SGCZ: variants seen among roughly 807,000 people sequenced by gnomAD.
SGCZ encodes zeta-sarcoglycan.
SGCZ carries 40 observed loss-of-function variants against 41.3 expected under a neutral mutation model. That is an observed-to-expected ratio of 0.97 (90% CI 0.75 to 1.26). The LOEUF is 1.26. Ranked by LOEUF, SGCZ falls within the 50% of genes most tolerant of loss-of-function variation. The pLI is 0.00. For missense variants in SGCZ, 552 were observed against 369.8 expected (o/e 1.49, Z -4.04); for synonymous variants, 206 against 137.5 (o/e 1.50, Z -3.49).
At chr8:14,833,043 G>T (rs1220236826) in intron 1 of SGCZ, among the ~76,000 whole-genome samples, 1 of 151,626 alleles carries the variant, frequency 6.6e-6, no homozygotes, top group Non-Finnish European at 1.5e-5. Flanking sequence ...GTTTTTCTCA[G>T]TTGATTTTTT....
intron 1 of SGCZ, among the ~76,000 whole-genome samples, chr8:14,624,205 TATC>T (rs1806374425): frequency 6.6e-6 from 1 of 152,166 alleles, no homozygotes; most frequent in South Asian, 2.1e-4. Context: ...ATTAATAGCT[TATC>T]ATATAAGATT....
At chr8:14,614,965 T>C (rs1806049566) in intron 1 of SGCZ, among the ~76,000 whole-genome samples, 1 of 149,948 alleles carries the variant, frequency 6.7e-6, no homozygotes, top group African/African-American at 2.4e-5. Flanking sequence ...TCATTTTATA[T>C]ATACACATGT....
intron 1 of SGCZ, among the ~76,000 whole-genome samples, chr8:15,053,500 T>C (rs1804594350): frequency 6.6e-6 from 1 of 152,158 alleles, no homozygotes; most frequent in African/African-American, 2.4e-5. Context: ...ATGTGAATGG[T>C]AGCTGGCTGC....
rs560615845 is a variant in SGCZ at position 14,198,362 on chromosome 8, G to A, written c.425-33660C>T. ...CCAAAGCACAAGATTAGCAAAGCTG[G>A]CAGTTTGGTTCTGCCAAAGAGAGGT... is the stretch of plus-strand genomic sequence containing the variant. On this transcript the variant is annotated intron_variant, in intron 4 of 7. Transcript: ENST00000382080. Among the ~76,000 whole-genome samples, 39 of 152,240 alleles carry A rather than the reference G, an allele frequency of 2.6e-4. No homozygotes were observed. In the South Asian group the frequency reaches 8.1e-3, roughly 32 times the overall value.
At chr8:15,055,505 C>G (rs994362730) in intron 1 of SGCZ, among the ~76,000 whole-genome samples, 1 of 152,086 alleles carries the variant, frequency 6.6e-6, no homozygotes, top group African/African-American at 2.4e-5. Context: ...AAATTAGGCC[C>G]AAGAATGTGG....
intron 2 of SGCZ, among the ~76,000 whole-genome samples, chr8:14,394,134 G>GCCGC (rs1554511263): frequency 7.8e-6 from 1 of 128,782 alleles, no homozygotes; most frequent in African/African-American, 3.3e-5. Flanking sequence ...CTGCCCTACC[G>GCCGC]CCCCCCACCT....
At chr8:15,215,770 C>T (rs995632042) in intron 1 of SGCZ, among the ~76,000 whole-genome samples, 3 of 152,126 alleles carry the variant, frequency 2.0e-5, no homozygotes, top group Non-Finnish European at 4.4e-5. Flanking sequence ...CTAAGAGTTA[C>T]AATTAAAGTC....
At position 14,088,866 on chromosome 8, in the gene SGCZ, T is replaced by G. The variant is rs996886190; in HGVS notation, c.*1577A>C. On this transcript the variant is annotated 3_prime_UTR_variant, in exon 8 of 8. Transcript: ENST00000382080. ...AACAAGTTCTAATCTCCCAGTTCAC[T>G]CTGAGCTGTAGACACCTGAACTCCA... 1.3e-5 allele frequency among the ~76,000 whole-genome samples: 2 copies of G among 151,944 alleles called. No individual in the cohort carries two copies. Among genetic ancestry groups the G allele is most frequent in the African/African-American group, 4.8e-5 (2 of 41,418 alleles).
chr8:15,199,860 G>A (rs183233465), intron 1 of SGCZ, among the ~76,000 whole-genome samples: 2 of 152,116 alleles, frequency 1.3e-5, no homozygotes, highest in African/African-American at 4.8e-5. Context: ...GGGCAGAATA[G>A]GACAAGCATT....
At chr8:14,803,560 C>A (rs1041177568) in intron 1 of SGCZ, among the ~76,000 whole-genome samples, 2 of 152,182 alleles carry the variant, frequency 1.3e-5, no homozygotes, top group African/African-American at 4.8e-5. Flanking sequence ...ATATCCCGCA[C>A]CCGGCTCAGA....
At chr8:14,971,139 T>C (rs1384177116) in intron 1 of SGCZ, among the ~76,000 whole-genome samples, 1 of 152,204 alleles carries the variant, frequency 6.6e-6, no homozygotes, top group Non-Finnish European at 1.5e-5. Flanking sequence ...CTTGCTATTA[T>C]TGGTTCTAGT....
chr8:14,653,409 G>A (rs1392323452), intron 1 of SGCZ, among the ~76,000 whole-genome samples: 1 of 152,022 alleles, frequency 6.6e-6, no homozygotes, highest in Non-Finnish European at 1.5e-5. Context: ...ATCCTATATA[G>A]TGCTTAGCCC....
intron 4 of SGCZ, among the ~76,000 whole-genome samples, chr8:14,236,457 A>G (rs1307575613): frequency 6.6e-6 from 1 of 152,136 alleles, no homozygotes; most frequent in African/African-American, 2.4e-5. Flanking sequence ...ATTTAAAAAA[A>G]ACCTACAAAT....
chr8:14,289,245 C>T (rs1800756331), intron 3 of SGCZ, among the ~76,000 whole-genome samples: 1 of 149,682 alleles, frequency 6.7e-6, no homozygotes. Context: ...TTGATACTGT[C>T]CTTTAATGAG....
intron 5 of SGCZ, among the ~76,000 whole-genome samples, chr8:14,142,657 G>C (rs1444850239): frequency 1.3e-5 from 2 of 152,114 alleles, no homozygotes; most frequent in Admixed American, 6.5e-5. Context: ...GTTGGACTCT[G>C]TGTTCCCACC....
chr8:14,443,646 A>C (rs960296254), intron 2 of SGCZ, among the ~76,000 whole-genome samples: 5 of 152,324 alleles, frequency 3.3e-5, no homozygotes, highest in East Asian at 1.9e-4. Context: ...CTTACACCTT[A>C]TATAAAAATT....
intron 1 of SGCZ, among the ~76,000 whole-genome samples, chr8:15,216,488 G>A (rs541086773): frequency 1.2e-4 from 18 of 152,016 alleles, no homozygotes; most frequent in African/African-American, 4.3e-4. Flanking sequence ...CCAAAGTGCT[G>A]GGATTACAGG....
chr8:15,169,587 A>G (rs972885633), intron 1 of SGCZ, among the ~76,000 whole-genome samples: 5 of 146,184 alleles, frequency 3.4e-5, no homozygotes, highest in African/African-American at 4.9e-5. Flanking sequence ...ACACTGTAAC[A>G]GAGTACCCTA....
At chr8:14,837,880 G>T (rs1247300327) in intron 1 of SGCZ, among the ~76,000 whole-genome samples, 1 of 151,926 alleles carries the variant, frequency 6.6e-6, no homozygotes, top group Non-Finnish European at 1.5e-5. Flanking sequence ...TAATAACTGG[G>T]ATATCCATCA....
Sources: gnomAD v4.1 joint callset for allele counts (sites outside exome capture counted in the v4.1 genomes callset) on GRCh38, gnomAD v4.1.1 for gene constraint, MANE v1.5 for transcripts, NCBI Gene and HGNC (gene_info 2026-07-23, HGNC 2026-07-21) for gene names.